Variants in ZBTB8OS observed in about 807,000 individuals in gnomAD.
ZBTB8OS encodes tRNA splicing ligase complex subunit 1, also known as tRNA-splicing ligase-activating factor archease.
Under a neutral mutation model 29.3 loss-of-function variants are expected in ZBTB8OS, and 16 were observed. The observed-to-expected ratio is 0.55, with a 90% CI of 0.37 to 0.83. The LOEUF (loss-of-function observed/expected upper bound fraction) is 0.83, where lower values mean the gene tolerates loss of function less well. Ranked by LOEUF, ZBTB8OS falls within the 40% of genes least tolerant of loss-of-function variation. ZBTB8OS has a pLI of 0.00. For synonymous variants in ZBTB8OS, 70 were observed against 64.6 expected (o/e 1.08, Z -0.40); for missense variants, 160 against 196.9 (o/e 0.81, Z 1.12).
At chr1:32,632,446 A>G (rs704879) in intron 4 of ZBTB8OS, 142,451 of 152,246 alleles carry the variant, frequency 0.94, 66,721 homozygotes, top group East Asian at 1. Flanking sequence ...ACAAGGTTTC[A>G]CTCTGTTGCC....
intron 1 of ZBTB8OS, among the ~76,000 whole-genome samples, chr1:32,637,969 G>T (rs373743175): frequency 6.6e-6 from 1 of 151,930 alleles, no homozygotes; most frequent in Non-Finnish European, 1.5e-5. Flanking sequence ...GAGTACCTGG[G>T]ATCACAGGAG....
chr1:32,650,130 C>A (rs962158045), intron 1 of ZBTB8OS, among the ~76,000 whole-genome samples: 10 of 152,126 alleles, frequency 6.6e-5, no homozygotes, highest in Middle Eastern at 3.2e-3. Flanking sequence ...GGTAACAACC[C>A]TGCAAACGCC....
rs1160526101 is a variant in ZBTB8OS, at chr1:32,641,265, GTT to G, written c.98-6475_98-6474del. 3.6e-3 allele frequency among the ~76,000 whole-genome samples: 355 copies of G among 97,262 alleles called. 1 individual carries two copies. The highest frequency in any genetic ancestry group is 0.013 in the African/African-American group (313 of 24,334). The allele number at this position is 97,262 out of a possible 152,430, so 63.8% of individuals were successfully genotyped here. A position where few individuals can be genotyped will look rare whatever the true frequency, so the allele number is the denominator to read the frequency against. Reference sequence around the variant, plus strand: ...TTCAGCTCACAACTCAATTACACAAGTTTTTTTTTTTTTTTTTTTTTTTTTTG... The same window carrying G: ...TTCAGCTCACAACTCAATTACACAAGTTTTTTTTTTTTTTTTTTTTTTTTG... On this transcript the variant is annotated intron_variant, in intron 1 of 6. Coordinates refer to ENST00000468695, the MANE Select transcript of ZBTB8OS (RefSeq NM_178547.5).
chr1:32,633,594 A>G, intron 4 of ZBTB8OS, 51 bp downstream of exon 4: 1 of 1,315,250 alleles, frequency 7.6e-7, no homozygotes, highest in South Asian at 1.3e-5. Context: ...CTATTTTAAA[A>G]TATGAACTAA....
At chr1:32,626,211 T>C (rs1478021083) in intron 6 of ZBTB8OS, among the ~76,000 whole-genome samples, 1 of 152,208 alleles carries the variant, frequency 6.6e-6, no homozygotes, top group Non-Finnish European at 1.5e-5. Context: ...TTTTGGTATT[T>C]AGAAATATAA....
At chr1:32,635,856 G>A (rs1311688262) in intron 1 of ZBTB8OS, among the ~76,000 whole-genome samples, 2 of 152,056 alleles carry the variant, frequency 1.3e-5, no homozygotes, top group Non-Finnish European at 2.9e-5. Context: ...GCCCTTTCCC[G>A]AAAAGACCCC....
intron 1 of ZBTB8OS, among the ~76,000 whole-genome samples, chr1:32,638,230 CTTTTTTT>C (rs760775116): frequency 1.8e-4 from 18 of 102,152 alleles, no homozygotes; most frequent in East Asian, 6.1e-4. Flanking sequence ...CTCCAGAATT[CTTTTTTT>C]TTTTTTTTTT....
intron 5 of ZBTB8OS, among the ~76,000 whole-genome samples, chr1:32,630,896 T>A (rs1557764591): frequency 6.6e-6 from 1 of 151,054 alleles, no homozygotes; most frequent in Non-Finnish European, 1.5e-5. Context: ...GCGTATAATC[T>A]CAGCTACTCG....
At position 32,636,763 on chromosome 1, in the gene ZBTB8OS, C is replaced by T. The variant is rs1333568894; in HGVS notation, c.98-1971G>A. Among the ~76,000 whole-genome samples the T allele has an allele frequency of 4.6e-5, 7 of 151,498 alleles. No individual in the cohort carries two copies. In the East Asian group the frequency reaches 9.7e-4, roughly 21 times the overall value. ...AGGATGACCCTAACCCTCTGTCCGT[C>T]GTAGAAATGCCTGCCTGAGAAAGAG... On this transcript the variant is annotated intron_variant, in intron 1 of 6. Transcript: ENST00000468695.
At chr1:32,650,627 C>G (rs1262981898), upstream of ZBTB8OS, 4 of 1,602,040 alleles carry the variant, frequency 2.5e-6, no homozygotes, top group African/African-American at 2.7e-5. Flanking sequence ...GGCGCACACC[C>G]TTAAAGGACC....
chr1:32,645,363 T>C (rs917024945), intron 1 of ZBTB8OS, among the ~76,000 whole-genome samples: 3 of 151,036 alleles, frequency 2.0e-5, no homozygotes, highest in Non-Finnish European at 4.4e-5. Flanking sequence ...CTAGGTGTAG[T>C]AGCCAGGCAT....
chr1:32,644,630 TCAAA>T (rs1208840175), intron 1 of ZBTB8OS, among the ~76,000 whole-genome samples: 1 of 144,680 alleles, frequency 6.9e-6, no homozygotes, highest in Non-Finnish European at 1.5e-5. Context: ...ACGCCTGAGC[TCAAA>T]CAATCCTTCT....
intron 6 of ZBTB8OS, among the ~76,000 whole-genome samples, chr1:32,623,568 G>A (rs559206299): frequency 6.6e-6 from 1 of 152,082 alleles, no homozygotes; most frequent in Non-Finnish European, 1.5e-5. Flanking sequence ...TGAATGGCTT[G>A]TCCCTGGCTC....
At chr1:32,645,021 A>G (rs1646730146) in intron 1 of ZBTB8OS, among the ~76,000 whole-genome samples, 1 of 151,946 alleles carries the variant, frequency 6.6e-6, no homozygotes, top group African/African-American at 2.4e-5. Flanking sequence ...TCTACTAAAA[A>G]TACAAAAATT....
upstream of ZBTB8OS, chr1:32,650,681 AC>A (rs1647421933): frequency 2.9e-6 from 4 of 1,380,196 alleles, no homozygotes; most frequent in Admixed American, 2.3e-5. Context: ...TTTAGTCCCT[AC>A]CCTGCCGCTT....
intron 6 of ZBTB8OS, among the ~76,000 whole-genome samples, chr1:32,623,007 T>C (rs1237521476): frequency 6.6e-6 from 1 of 152,202 alleles, no homozygotes; most frequent in Non-Finnish European, 1.5e-5. Flanking sequence ...CTCTGATACA[T>C]GACATTGCCC....
At chr1:32,639,779 T>C (rs1237852949) in intron 1 of ZBTB8OS, among the ~76,000 whole-genome samples, 1 of 152,056 alleles carries the variant, frequency 6.6e-6, no homozygotes, top group African/African-American at 2.4e-5. Flanking sequence ...ATAAAAGTTA[T>C]TAATTAAAAA....
intron 1 of ZBTB8OS, among the ~76,000 whole-genome samples, chr1:32,641,885 C>T (rs1646438814): frequency 6.6e-6 from 1 of 151,896 alleles, no homozygotes; most frequent in African/African-American, 2.4e-5. Flanking sequence ...TGTGCCACTG[C>T]ACTCCAGCAC....
intron 5 of ZBTB8OS, among the ~76,000 whole-genome samples, chr1:32,630,655 T>C (rs1425391518): frequency 6.6e-6 from 1 of 151,958 alleles, no homozygotes; most frequent in Non-Finnish European, 1.5e-5. Flanking sequence ...GGCAGGAGGA[T>C]CACTTGAGCC....
Sources: gnomAD v4.1 joint callset for allele counts (sites outside exome capture counted in the v4.1 genomes callset) on GRCh38, gnomAD v4.1.1 for gene constraint, MANE v1.5 for transcripts, NCBI Gene and HGNC (gene_info 2026-07-23, HGNC 2026-07-21) for gene names.